HIPK2: variants seen among roughly 807,000 people sequenced by gnomAD.
The protein encoded by HIPK2 is homeodomain-interacting protein kinase 2.
HIPK2 carries 27 observed loss-of-function variants against 113.7 expected under a neutral mutation model. That is an observed-to-expected ratio of 0.24 (90% CI 0.17 to 0.33). The LOEUF is 0.33. Ranked by LOEUF, HIPK2 falls within the 10% of genes least tolerant of loss-of-function variation. The pLI, the probability that HIPK2 is intolerant of heterozygous loss-of-function variation, is 1.00. For missense variants in HIPK2, 1,257 were observed against 1,588.0 expected (o/e 0.79, Z 3.54); for synonymous variants, 631 against 642.2 (o/e 0.98, Z 0.26).
intron 1 of HIPK2, among the ~76,000 whole-genome samples, chr7:139,733,011 G>A (rs1016610037): frequency 6.6e-6 from 1 of 151,876 alleles, no homozygotes; most frequent in Non-Finnish European, 1.5e-5. Flanking sequence ...CTTGCAACGG[G>A]AGTGAGTTTT....
At chr7:139,774,346 T>C (rs1293537453) in intron 1 of HIPK2, among the ~76,000 whole-genome samples, 1 of 152,204 alleles carries the variant, frequency 6.6e-6, no homozygotes, top group Non-Finnish European at 1.5e-5. Context: ...CAAACTCAGG[T>C]TTCTCTGATT....
chr7:139,628,170 C>G (rs1800494420), intron 5 of HIPK2, among the ~76,000 whole-genome samples: 1 of 152,190 alleles, frequency 6.6e-6, no homozygotes, highest in African/African-American at 2.4e-5. Context: ...GAGACAGACA[C>G]GGATGCTCTT....
At chr7:139,675,374 T>C (rs533758550) in intron 2 of HIPK2, among the ~76,000 whole-genome samples, 14 of 151,436 alleles carry the variant, frequency 9.2e-5, no homozygotes, top group Admixed American at 5.3e-4. Flanking sequence ...GGACAGCATA[T>C]GAAAAACAGT....
At position 139,735,161 on chromosome 7, in the gene HIPK2, C is replaced by T. The variant is rs192198114; in HGVS notation, c.20-18146G>A. ...TGCAGGTTCTTTAAGAGAAGTATCC[C>T]ATGAGCAGAGAATGTTTTCATGATT... On this transcript the variant is annotated intron_variant, in intron 1 of 14. Transcript: ENST00000406875. 5.3e-5 allele frequency among the ~76,000 whole-genome samples: 8 copies of T among 152,276 alleles called. No individual in the cohort carries two copies. The East Asian group carries it at 9.6e-4, about 18-fold the overall frequency.
rs532267745 is a variant in HIPK2 at position 139,739,615 on chromosome 7, T to C, written c.20-22600A>G. ...AAAAAAAAAAGGTATAGTTCAGTGG[T>C]TTTGAACACAATTGTGTGACCATCA... On this transcript the variant is annotated intron_variant, in intron 1 of 14. Coordinates refer to ENST00000406875, the MANE Select transcript of HIPK2 (RefSeq NM_022740.5). Among the ~76,000 whole-genome samples, 121 of 151,224 alleles carry C rather than the reference T, an allele frequency of 8.0e-4. 1 individual carries two copies. Among genetic ancestry groups the C allele is most frequent in the African/African-American group, 2.7e-3 (112 of 41,270 alleles).
chr7:139,763,446 T>C (rs1222077338), intron 1 of HIPK2, among the ~76,000 whole-genome samples: 1 of 151,258 alleles, frequency 6.6e-6, no homozygotes, highest in East Asian at 1.9e-4. Context: ...AAGTCTGCTT[T>C]TAGGAGTAAG....
At chr7:139,668,375 C>G (rs987891210) in intron 2 of HIPK2, among the ~76,000 whole-genome samples, 1 of 152,020 alleles carries the variant, frequency 6.6e-6, no homozygotes, top group Non-Finnish European at 1.5e-5. Flanking sequence ...TCCTGGCTAA[C>G]ATGGTGAAAC....
intron 2 of HIPK2, among the ~76,000 whole-genome samples, chr7:139,696,578 G>C (rs1794574324): frequency 5.6e-5 from 1 of 17,956 alleles, no homozygotes; most frequent in Non-Finnish European, 1.4e-4. Flanking sequence ...ATGAGACCCT[G>C]CCTCAAAAAA....
At chr7:139,652,675 T>G (rs1801505479) in intron 2 of HIPK2, among the ~76,000 whole-genome samples, 1 of 152,158 alleles carries the variant, frequency 6.6e-6, no homozygotes, top group African/African-American at 2.4e-5. Flanking sequence ...GAACTTGAAC[T>G]CTAGTAGACC....
At position 139,607,854 on chromosome 7, in the gene HIPK2, C is replaced by G. The variant is rs537680695; in HGVS notation, c.2113-3631G>C. On this transcript the variant is annotated intron_variant, in intron 9 of 14. Coordinates refer to ENST00000406875, the MANE Select transcript of HIPK2 (RefSeq NM_022740.5). The stretch of plus-strand genomic sequence containing the variant: ...ATAATAGGAAGTCAATGGATAATAC[C>G]TAAAATGGAAAAAAAAATCCATAAA... Among the ~76,000 whole-genome samples the G allele has an allele frequency of 4.0e-5, 6 of 151,724 alleles. 1 individual carries two copies. In the South Asian group the frequency reaches 1.3e-3, roughly 32 times the overall value.
intron 2 of HIPK2, among the ~76,000 whole-genome samples, chr7:139,702,712 G>A (rs1057219721): frequency 0.024 from 3,623 of 152,278 alleles, 132 homozygotes; most frequent in African/African-American, 0.082. Flanking sequence ...TCAGAAGCAA[G>A]GGGAGGACTC....
chr7:139,700,246 C>T (rs894341151), intron 2 of HIPK2, among the ~76,000 whole-genome samples: 4 of 152,022 alleles, frequency 2.6e-5, no homozygotes, highest in Non-Finnish European at 5.9e-5. Context: ...GCCTGGGGAC[C>T]CTCAACACGC....
chr7:139,733,793 A>C (rs1397530330), intron 1 of HIPK2, among the ~76,000 whole-genome samples: 1 of 152,226 alleles, frequency 6.6e-6, no homozygotes, highest in East Asian at 1.9e-4. Flanking sequence ...CACCTTGGAC[A>C]ATAAGAAGTA....
chr7:139,743,861 A>G (rs1796148093), intron 1 of HIPK2, among the ~76,000 whole-genome samples: 1 of 152,238 alleles, frequency 6.6e-6, no homozygotes, highest in Admixed American at 6.5e-5. Context: ...ATGAGGAACT[A>G]ACATTGATTG....
At chr7:139,702,222 G>C (rs1219843329) in intron 2 of HIPK2, among the ~76,000 whole-genome samples, 2 of 152,176 alleles carry the variant, frequency 1.3e-5, no homozygotes, top group African/African-American at 4.8e-5. Context: ...GCTGCCAGGA[G>C]TGGCCCTGAA....
intron 2 of HIPK2, among the ~76,000 whole-genome samples, chr7:139,664,974 AAC>A (rs1486955667): frequency 2.6e-5 from 4 of 151,826 alleles, no homozygotes; most frequent in African/African-American, 7.3e-5. Flanking sequence ...CCACCATAAC[AAC>A]AGTTTCCAAA....
chr7:139,739,354 A>G (rs1796032812), intron 1 of HIPK2, among the ~76,000 whole-genome samples: 1 of 152,172 alleles, frequency 6.6e-6, no homozygotes, highest in Non-Finnish European at 1.5e-5. Flanking sequence ...TGGGAGGCTG[A>G]GGTGGGCAGA....
At chr7:139,689,086 A>G (rs1452604179) in intron 2 of HIPK2, among the ~76,000 whole-genome samples, 2 of 152,230 alleles carry the variant, frequency 1.3e-5, no homozygotes, top group Non-Finnish European at 2.9e-5. Flanking sequence ...AGCCAAAGCT[A>G]AAGTTGAATC....
At chr7:139,742,649 G>A (rs976986967) in intron 1 of HIPK2, among the ~76,000 whole-genome samples, 1 of 152,170 alleles carries the variant, frequency 6.6e-6, no homozygotes. Context: ...CAAATGGACA[G>A]CAGATTTTCT....
Sources: allele counts gnomAD v4.1 joint callset (sites outside exome capture counted in the v4.1 genomes callset), GRCh38; gene constraint gnomAD v4.1.1; transcripts MANE v1.5; gene names NCBI Gene and HGNC (gene_info 2026-07-23, HGNC 2026-07-21).